HS3ST5: variants seen among roughly 807,000 people sequenced by gnomAD.
HS3ST5 encodes heparan sulfate-glucosamine 3-sulfotransferase 5.
A neutral mutation model predicts 25.4 loss-of-function variants in HS3ST5; 10 were observed. The ratio of observed to expected loss-of-function variants is 0.39; its 90% CI spans 0.24 to 0.67. The LOEUF is 0.67. Among genes scored for constraint, HS3ST5 ranks in the 30% least tolerant of loss-of-function variants. HS3ST5 has a pLI of 0.44. For missense variants in HS3ST5, 324 were observed against 420.7 expected (o/e 0.77, Z 2.01); for synonymous variants, 170 against 162.4 (o/e 1.05, Z -0.36).
At chr6:114,108,533 C>T (rs117979183) in intron 3 of HS3ST5, among the ~76,000 whole-genome samples, 108 of 152,246 alleles carry the variant, frequency 7.1e-4, no homozygotes, top group Admixed American at 1.2e-3. Context: ...CACTGGAACC[C>T]AGAAGGGAAA....
intron 1 of HS3ST5, among the ~76,000 whole-genome samples, chr6:114,232,911 C>A (rs561005520): frequency 6.6e-6 from 1 of 152,098 alleles, no homozygotes; most frequent in Non-Finnish European, 1.5e-5. Context: ...TTTAAAAAAA[C>A]ACAATTAATT....
chr6:114,249,168 TAC>T (rs1184338920), intron 1 of HS3ST5, among the ~76,000 whole-genome samples: 2 of 152,228 alleles, frequency 1.3e-5, no homozygotes, highest in African/African-American at 4.8e-5. Flanking sequence ...AGAGACTACA[TAC>T]CTAAAAAAGT....
intron 1 of HS3ST5, among the ~76,000 whole-genome samples, chr6:114,335,754 A>G (rs1776584414): frequency 6.6e-6 from 1 of 151,894 alleles, no homozygotes; most frequent in African/African-American, 2.4e-5. Context: ...TCCCGGGTTC[A>G]AGAGATTCTC....
At chr6:114,185,340 G>A (rs774626907) in intron 2 of HS3ST5, among the ~76,000 whole-genome samples, 5 of 152,122 alleles carry the variant, frequency 3.3e-5, no homozygotes, top group Non-Finnish European at 5.9e-5. Context: ...TTCCCCCAGA[G>A]AGCTTTCTCT....
chr6:114,269,396 A>G (rs535799348), intron 1 of HS3ST5, among the ~76,000 whole-genome samples: 84 of 152,324 alleles, frequency 5.5e-4, no homozygotes, highest in Non-Finnish European at 9.1e-4. Context: ...GGATATTTAA[A>G]GGGAGACAGA....
chr6:114,084,455 G>T, intron 3 of HS3ST5: 2 of 756,912 alleles, frequency 2.6e-6, no homozygotes, highest in Non-Finnish European at 4.8e-6. Context: ...TAGAAGTAGA[G>T]ATCAGGCATG....
At chr6:114,295,808 G>A (rs187182160) in intron 1 of HS3ST5, among the ~76,000 whole-genome samples, 1 of 152,140 alleles carries the variant, frequency 6.6e-6, no homozygotes, top group Non-Finnish European at 1.5e-5. Context: ...GAGACTGCCA[G>A]ACCATATCCA....
intron 1 of HS3ST5, among the ~76,000 whole-genome samples, chr6:114,303,515 T>A (rs570176838): frequency 6.6e-6 from 1 of 151,172 alleles, no homozygotes; most frequent in South Asian, 2.1e-4. Context: ...TTAAAAACAA[T>A]TTTTTTTTAC....
At chr6:114,313,025 GAA>G (rs5879258) in intron 1 of HS3ST5, among the ~76,000 whole-genome samples, 134 of 16,076 alleles carry the variant, frequency 8.3e-3, no homozygotes, top group African/African-American at 0.031. Flanking sequence ...CCCTGCATCA[GAA>G]AAAAAAAAAA....
At chr6:114,190,598 G>T (rs1780453982) in intron 2 of HS3ST5, among the ~76,000 whole-genome samples, 1 of 152,152 alleles carries the variant, frequency 6.6e-6, no homozygotes, top group Admixed American at 6.5e-5. Context: ...CAAGGATTTA[G>T]AAGGTCCCTG....
chr6:114,341,436 C>T (rs1343223602), intron 1 of HS3ST5, among the ~76,000 whole-genome samples: 1 of 152,126 alleles, frequency 6.6e-6, no homozygotes, highest in African/African-American at 2.4e-5. Flanking sequence ...TAAAGACATC[C>T]ACCTTAAGCT....
At chr6:114,080,984 T>G (rs1774424434) in intron 3 of HS3ST5, among the ~76,000 whole-genome samples, 1 of 152,170 alleles carries the variant, frequency 6.6e-6, no homozygotes, top group Non-Finnish European at 1.5e-5. Flanking sequence ...GATGTGTGAC[T>G]CTATCTTGAA....
intron 1 of HS3ST5, among the ~76,000 whole-genome samples, chr6:114,264,709 GTAAACC>G (rs1329363601): frequency 1.3e-5 from 2 of 152,102 alleles, no homozygotes; most frequent in Non-Finnish European, 2.9e-5. Context: ...GACTAGTGTT[GTAAACC>G]TAAGAGTCTA....
At chr6:114,086,948 A>C (rs1774870658) in intron 3 of HS3ST5, among the ~76,000 whole-genome samples, 2 of 152,208 alleles carry the variant, frequency 1.3e-5, no homozygotes, top group Non-Finnish European at 2.9e-5. Flanking sequence ...TCTGACACCA[A>C]GTCAGTGTTC....
intron 1 of HS3ST5, among the ~76,000 whole-genome samples, chr6:114,277,763 T>C (rs985517237): frequency 6.6e-6 from 1 of 151,996 alleles, no homozygotes; most frequent in Non-Finnish European, 1.5e-5. Context: ...CATATGCAGA[T>C]ATTATTCAAG....
intron 3 of HS3ST5, among the ~76,000 whole-genome samples, chr6:114,077,458 G>C (rs943426722): frequency 1.3e-5 from 2 of 152,126 alleles, no homozygotes; most frequent in African/African-American, 2.4e-5. Flanking sequence ...TGACCTGCTA[G>C]GGAGCTCAGA....
chr6:114,224,722 C>T (rs962355085), intron 2 of HS3ST5, among the ~76,000 whole-genome samples: 1 of 123,268 alleles, frequency 8.1e-6, no homozygotes, highest in Non-Finnish European at 1.8e-5. Flanking sequence ...ACACACACAC[C>T]GACTTCTTTC....
intron 1 of HS3ST5, among the ~76,000 whole-genome samples, chr6:114,333,363 A>G (rs1226840418): frequency 6.6e-6 from 1 of 152,214 alleles, no homozygotes; most frequent in Non-Finnish European, 1.5e-5. Flanking sequence ...AAAATAACAT[A>G]AAGTATTTGA....
chr6:114,092,879 TGGCCA>T (rs1775204656), intron 3 of HS3ST5, among the ~76,000 whole-genome samples: 1 of 152,094 alleles, frequency 6.6e-6, no homozygotes, highest in South Asian at 2.1e-4. Context: ...TTCACCATGT[TGGCCA>T]GGCTGGTCTC....
Sources: gnomAD v4.1 joint callset for allele counts (sites outside exome capture counted in the v4.1 genomes callset) on GRCh38, gnomAD v4.1.1 for gene constraint, MANE v1.5 for transcripts, NCBI Gene and HGNC (gene_info 2026-07-23, HGNC 2026-07-21) for gene names.